WNK2: variants seen among roughly 807,000 people sequenced by gnomAD.
WNK2 encodes the protein serine/threonine-protein kinase WNK2.
In WNK2, 67 loss-of-function variants were observed where a neutral mutation model predicts 192.1. The observed-to-expected ratio is 0.35, with a 90% CI of 0.29 to 0.43. The LOEUF (loss-of-function observed/expected upper bound fraction) is 0.43, where lower values mean the gene tolerates loss of function less well. Among genes scored for constraint, WNK2 ranks in the 20% least tolerant of loss-of-function variants. WNK2 has a pLI of 1.00. For synonymous variants in WNK2, 1,439 were observed against 1,393.9 expected (o/e 1.03, Z -0.72); for missense variants, 2,698 against 3,089.7 (o/e 0.87, Z 3.01).
intron 2 of WNK2, among the ~76,000 whole-genome samples, chr9:93,199,076 C>T (rs1221231165): frequency 6.6e-6 from 1 of 152,210 alleles, no homozygotes; most frequent in Non-Finnish European, 1.5e-5. Context: ...TCCATGCTGT[C>T]CCCTGTGACT....
chr9:93,193,992 G>C (rs1326375449), intron 2 of WNK2, among the ~76,000 whole-genome samples: 6 of 152,162 alleles, frequency 3.9e-5, no homozygotes, highest in Non-Finnish European at 7.3e-5. Flanking sequence ...AGGAGCAAAG[G>C]CAATAAAATA....
At chr9:93,189,704 C>G (rs1303343999) in intron 2 of WNK2, among the ~76,000 whole-genome samples, 2 of 152,266 alleles carry the variant, frequency 1.3e-5, no homozygotes, top group Non-Finnish European at 2.9e-5. Context: ...AGTGCCAGTG[C>G]TGAGCTGGCC....
Position 93,308,768 on chromosome 9 carries a change from G to A in WNK2, c.6516+184G>A. On this transcript the variant is annotated intron_variant, in intron 28 of 29. Transcript: ENST00000427277. ...CTTTACAGATTGGGAGGTGAGCGACGCACCCACAGCTCCGCAGCTGGCAGG... is the reference window on the plus strand; with the variant it reads ...CTTTACAGATTGGGAGGTGAGCGACACACCCACAGCTCCGCAGCTGGCAGG... 7 of 1,416,588 alleles carry A rather than the reference G, an allele frequency of 4.9e-6. No individual in the cohort carries two copies. In the East Asian group the frequency reaches 7.6e-5, roughly 15 times the overall value. The allele number at this position is 1,416,588 out of a possible 1,614,324, so 87.8% of individuals were successfully genotyped here.
At position 93,238,212 on chromosome 9, in the gene WNK2, ACT is replaced by A. The variant is rs773790327; in HGVS notation, c.1234-18_1234-17del. 16 of 1,612,990 alleles carry A rather than the reference ACT, an allele frequency of 9.9e-6. No homozygotes were observed. The highest frequency in any genetic ancestry group is 1.1e-5 in the Non-Finnish European group (13 of 1,179,170). On this transcript the variant is annotated intron_variant, in intron 5 of 29. Transcript: ENST00000427277. ...TTCCGGCAGCCGATCGGGTCAGGTA[ACT>A]CTGCTCTCTCCCTGTCAGGGTATCA... is the stretch of plus-strand genomic sequence containing the variant.
intron 19 of WNK2, 29 bp downstream of exon 19, chr9:93,268,775 C>T: frequency 6.2e-7 from 1 of 1,601,500 alleles, no homozygotes; most frequent in Non-Finnish European, 8.5e-7. Context: ...CACACAAGCC[C>T]CTCCCTGTTT....
In WNK2 at chr9:93,262,700, C is replaced by T. The variant is rs1306280951; in HGVS notation, c.3391C>T (p.Leu1131Phe). The change falls in exon 14 of 30, where the codon CTC (leucine) becomes TTC (phenylalanine). Residue 1131 changes from leucine to phenylalanine, a missense_variant. Transcript: ENST00000427277. ...GGCCTCACAGGACAAGCCGCCCGGC[C>T]TCCCGCAGAGCTGTGAGAGGTAGTG... Reference protein sequence around the residue: ...EQASQDKPPGLPQSCESYGGS... With the variant: ...EQASQDKPPGFPQSCESYGGS... 6.2e-7 allele frequency: 1 copy of T among 1,612,474 alleles called. No individual in the cohort carries two copies. The highest frequency in any genetic ancestry group is 1.1e-5 in the South Asian group (1 of 91,084).
At chr9:93,206,023 C>T (rs573301152) in intron 2 of WNK2, among the ~76,000 whole-genome samples, 3 of 152,154 alleles carry the variant, frequency 2.0e-5, no homozygotes, top group Non-Finnish European at 4.4e-5. Flanking sequence ...GCCTAGACCC[C>T]GTGCGGAGCC....
At chr9:93,320,277 C>A in intron 29 of WNK2, 90 bp from the exon 30 acceptor site, 7 of 1,332,764 alleles carry the variant, frequency 5.3e-6, no homozygotes, top group East Asian at 9.3e-5. Context: ...TTCCCGTCGG[C>A]AGCTCCTGGG....
chr9:93,292,943 G>C lies in WNK2; in HGVS notation c.5478G>C (p.Leu1826=), dbSNP rs1849607290. 6.5e-7 allele frequency: 1 copy of C among 1,533,080 alleles called. No homozygotes were observed. Among genetic ancestry groups the C allele is most frequent in the African/African-American group, 1.4e-5 (1 of 72,604 alleles). The allele number at this position is 1,533,080 out of a possible 1,614,324, so 95.0% of individuals were successfully genotyped here. A position where few individuals can be genotyped will look rare whatever the true frequency, so the allele number is the denominator to read the frequency against. Residue 1826 remains leucine (L), a synonymous_variant, in exon 23 of 30, where the codon CTG becomes CTC. Coordinates refer to ENST00000427277, the MANE Select transcript of WNK2 (RefSeq NM_006648.4). ...ARPPVQKQAS[L]PVSGSVAGDF... is the part of the protein sequence containing the mutation. ...CCCCGGTGCAGAAGCAGGCGTCCCT[G>C]CCCGTGAGTGGCAGCGTGGCTGGCG...
chr9:93,280,060 G>A (rs954419794), intron 19 of WNK2, among the ~76,000 whole-genome samples: 11 of 152,112 alleles, frequency 7.2e-5, no homozygotes, highest in Admixed American at 3.9e-4. Flanking sequence ...AACTGAATTC[G>A]TCAAAGTTTA....
rs750517868 is a variant in WNK2, at chr9:93,298,104, G to T, written c.5923+37G>T. The T allele has an allele frequency of 3.9e-6, 6 of 1,543,244 alleles. No individual in the cohort carries two copies. In the Admixed American group the frequency reaches 5.9e-5, roughly 15 times the overall value. On this transcript the variant is annotated intron_variant, in intron 24 of 29. Coordinates refer to ENST00000427277, the MANE Select transcript of WNK2 (RefSeq NM_006648.4). ...GGTGCAGGGCTGGGATGGGAGCGGG[G>T]CTGGGGACCCCCGAGTGAGCCTGGG... is the stretch of plus-strand genomic sequence containing the variant.
intron 19 of WNK2, among the ~76,000 whole-genome samples, chr9:93,278,843 A>G (rs1219358530): frequency 2.0e-5 from 3 of 152,254 alleles, no homozygotes; most frequent in Non-Finnish European, 4.4e-5. Context: ...ATAGAAGTGT[A>G]ATTCACCATA....
At chr9:93,243,289 T>C (rs565686713) in intron 7 of WNK2, among the ~76,000 whole-genome samples, 2 of 152,312 alleles carry the variant, frequency 1.3e-5, no homozygotes, top group Non-Finnish European at 2.9e-5. Flanking sequence ...ACACGGAGAC[T>C]TGGCCTCCCT....
chr9:93,285,586 G>A (rs1198210302), intron 19 of WNK2, among the ~76,000 whole-genome samples: 2 of 152,132 alleles, frequency 1.3e-5, no homozygotes, highest in Admixed American at 6.5e-5. Flanking sequence ...GAAATGAGTA[G>A]GAAGATATGT....
At chr9:93,243,221 G>A (rs747866531) in intron 7 of WNK2, among the ~76,000 whole-genome samples, 3 of 152,136 alleles carry the variant, frequency 2.0e-5, no homozygotes, top group Non-Finnish European at 2.9e-5. Flanking sequence ...TAGCTGCTCC[G>A]AAGACAGGCA....
At chr9:93,267,658 A>G (rs953982410) in intron 16 of WNK2, 88 bp from the exon 17 acceptor site, 3 of 1,415,438 alleles carry the variant, frequency 2.1e-6, no homozygotes, top group Non-Finnish European at 2.8e-6. Flanking sequence ...GGGGCCTGGT[A>G]CAGGGTAGAC....
intron 7 of WNK2, among the ~76,000 whole-genome samples, chr9:93,240,270 G>A (rs1000741240): frequency 2.0e-5 from 3 of 152,206 alleles, no homozygotes; most frequent in African/African-American, 4.8e-5. Context: ...TGTGCAGAGA[G>A]CAACCCAGGA....
At chr9:93,258,027 A>G (rs1843590011) in intron 11 of WNK2, among the ~76,000 whole-genome samples, 1 of 152,224 alleles carries the variant, frequency 6.6e-6, no homozygotes. Flanking sequence ...CCCACCTGGA[A>G]GATTCTTTTG....
chr9:93,254,291 C>T (rs1225745951), intron 9 of WNK2, among the ~76,000 whole-genome samples: 1 of 152,228 alleles, frequency 6.6e-6, no homozygotes, highest in Non-Finnish European at 1.5e-5. Context: ...ATCACAGGTG[C>T]AGCCACTGTG....
Sources: gnomAD v4.1 joint callset for allele counts (sites outside exome capture counted in the v4.1 genomes callset) on GRCh38, gnomAD v4.1.1 for gene constraint, MANE v1.5 for transcripts, NCBI Gene and HGNC (gene_info 2026-07-23, HGNC 2026-07-21) for gene names.